Variants in UNC13C observed in about 807,000 individuals in gnomAD.
UNC13C encodes the protein unc-13 homolog C.
Under a neutral mutation model 245.4 loss-of-function variants are expected in UNC13C, and 174 were observed. The ratio of observed to expected loss-of-function variants is 0.71; its 90% CI spans 0.63 to 0.80. UNC13C has a LOEUF of 0.80. UNC13C is among the 30% of genes least tolerant of loss of function. The probability of loss-of-function intolerance (pLI) is 0.00; values close to 1 mark genes in which losing one functional copy is unlikely to be tolerated. For missense variants in UNC13C, 2,829 were observed against 2,602.9 expected, an observed-to-expected ratio of 1.09 and a Z score of -1.89; for synonymous variants, 992 against 895.1, an observed-to-expected ratio of 1.11 and a Z score of -1.93.
At chr15:54,339,087 T>C (rs55822331) in intron 17 of UNC13C, among the ~76,000 whole-genome samples, 42,043 of 151,956 alleles carry the variant, frequency 0.28, 6,135 homozygotes, top group Admixed American at 0.36. Flanking sequence ...AGGCTGGTCT[T>C]GAACTCCTGA....
chr15:54,406,362 C>T (rs1027376816), intron 18 of UNC13C, among the ~76,000 whole-genome samples: 8 of 152,114 alleles, frequency 5.3e-5, no homozygotes, highest in African/African-American at 1.9e-4. Flanking sequence ...ACATAAGGAT[C>T]TTATTTCCTG....
rs145714497 is a variant in UNC13C, at chr15:54,230,975, G to A, written c.3072-4055G>A. 3.3e-3 allele frequency among the ~76,000 whole-genome samples: 502 copies of A among 152,120 alleles called. 2 individuals are homozygous for A. The highest frequency in any genetic ancestry group is 0.012 in the African/African-American group (478 of 41,552). On this transcript the variant is annotated intron_variant, in intron 4 of 32. Coordinates refer to ENST00000260323, the MANE Select transcript of UNC13C (RefSeq NM_001080534.3). ...AATAATATCCATTTTGTCATTTTAT[G>A]CAGCCATTGACTTTCCAACTACTTC...
intron 19 of UNC13C, among the ~76,000 whole-genome samples, chr15:54,484,738 G>T (rs1364539951): frequency 6.6e-6 from 1 of 152,038 alleles, no homozygotes; most frequent in East Asian, 1.9e-4. Context: ...CTACCAAAAA[G>T]AGAAATTCCT....
At chr15:54,043,920 C>T (rs904057649) in intron 2 of UNC13C, among the ~76,000 whole-genome samples, 1 of 152,138 alleles carries the variant, frequency 6.6e-6, no homozygotes, top group Non-Finnish European at 1.5e-5. Context: ...ACAACTTTAT[C>T]AAAATAAATT....
At chr15:54,186,325 A>G (rs1265345726) in intron 4 of UNC13C, among the ~76,000 whole-genome samples, 1 of 152,162 alleles carries the variant, frequency 6.6e-6, no homozygotes, top group East Asian at 1.9e-4. Flanking sequence ...GAGTGGTGAG[A>G]GAGGGCATCC....
the UNC13C span, among the ~76,000 whole-genome samples, chr15:53,954,185 A>C: frequency 6.6e-6 from 1 of 152,364 alleles, no homozygotes; most frequent in Admixed American, 6.5e-5. Flanking sequence ...AATCTGTTGG[A>C]AATGGTTATC....
intron 4 of UNC13C, among the ~76,000 whole-genome samples, chr15:54,166,020 G>C (rs1204781733): frequency 6.6e-6 from 1 of 151,940 alleles, no homozygotes; most frequent in Non-Finnish European, 1.5e-5. Context: ...TTTATCTTCT[G>C]TGATAAATTA....
chr15:53,974,284 A>G (rs1212783215), upstream of UNC13C, among the ~76,000 whole-genome samples: 1 of 152,194 alleles, frequency 6.6e-6, no homozygotes, highest in African/African-American at 2.4e-5. Flanking sequence ...AACTAAGGGC[A>G]CCATTTGGAC....
chr15:53,880,027 A>T, the UNC13C span, among the ~76,000 whole-genome samples: 1 of 152,074 alleles, frequency 6.6e-6, no homozygotes, highest in Non-Finnish European at 1.5e-5. Context: ...CTATTTATCA[A>T]GGATGACTGG....
chr15:54,558,039 G>A (rs1047143389), intron 29 of UNC13C, among the ~76,000 whole-genome samples: 3 of 151,972 alleles, frequency 2.0e-5, no homozygotes, highest in Non-Finnish European at 2.9e-5. Context: ...ACTCACAGGT[G>A]GGAATTGAAT....
At chr15:54,483,953 C>A (rs1893267313) in intron 19 of UNC13C, among the ~76,000 whole-genome samples, 1 of 123,874 alleles carries the variant, frequency 8.1e-6, no homozygotes, top group Non-Finnish European at 1.7e-5. Context: ...AGTACATACA[C>A]ACACACACAT....
Position 54,536,662 on chromosome 15 carries a change from C to T in UNC13C, c.5696+3596C>T, listed in dbSNP as rs374170806. On this transcript the variant is annotated intron_variant, in intron 26 of 32. Coordinates refer to ENST00000260323, the MANE Select transcript of UNC13C (RefSeq NM_001080534.3). Reference sequence around the variant, plus strand: ...TCATGTAGGATTTATTCCTAGGATGCAAGGTGGTTTAACAGATGCAAATCA... The same window carrying T: ...TCATGTAGGATTTATTCCTAGGATGTAAGGTGGTTTAACAGATGCAAATCA... Among the ~76,000 whole-genome samples the T allele has an allele frequency of 4.6e-5, 7 of 152,100 alleles. No homozygotes were observed. The South Asian group carries it at 6.2e-4, about 14-fold the overall frequency.
chr15:54,483,658 G>A (rs1227751360), intron 19 of UNC13C, among the ~76,000 whole-genome samples: 1 of 152,082 alleles, frequency 6.6e-6, no homozygotes, highest in East Asian at 1.9e-4. Flanking sequence ...ACCATGCCCA[G>A]CTAATTTTTA....
chr15:54,158,566 G>A (rs1400352023), intron 4 of UNC13C, among the ~76,000 whole-genome samples: 13 of 152,176 alleles, frequency 8.5e-5, no homozygotes, highest in Non-Finnish European at 1.3e-4. Flanking sequence ...TGATCCACAC[G>A]CCTCAGCCTC....
At chr15:54,179,042 G>A (rs1002762762) in intron 4 of UNC13C, among the ~76,000 whole-genome samples, 1 of 152,064 alleles carries the variant, frequency 6.6e-6, no homozygotes, top group African/African-American at 2.4e-5. Context: ...TTCCGAAGAG[G>A]AAGCTTGGAA....
At chr15:54,016,922 A>G (rs921888811) in intron 2 of UNC13C, among the ~76,000 whole-genome samples, 1 of 152,222 alleles carries the variant, frequency 6.6e-6, no homozygotes. Context: ...GTTACTTGCT[A>G]TTATCAAATA....
At chr15:53,936,620 G>A in the UNC13C span, among the ~76,000 whole-genome samples, 136 of 152,322 alleles carry the variant, frequency 8.9e-4, no homozygotes, top group African/African-American at 3.2e-3. Context: ...GGAGCATTCA[G>A]GCTGGCATCA....
chr15:54,053,825 ACT>A (rs1198571457), intron 2 of UNC13C, among the ~76,000 whole-genome samples: 1 of 151,642 alleles, frequency 6.6e-6, no homozygotes, highest in East Asian at 1.9e-4. Context: ...ACCACCGTCT[ACT>A]CTCTATCTCC....
At chr15:54,141,999 T>G in intron 2 of UNC13C, among the ~76,000 whole-genome samples, 1 of 152,126 alleles carries the variant, frequency 6.6e-6, no homozygotes, top group Non-Finnish European at 1.5e-5. Flanking sequence ...AAACAAGGGA[T>G]TTGAACTAAG....
Sources: gnomAD v4.1 joint callset for allele counts (sites outside exome capture counted in the v4.1 genomes callset) on GRCh38, gnomAD v4.1.1 for gene constraint, MANE v1.5 for transcripts, NCBI Gene and HGNC (gene_info 2026-07-23, HGNC 2026-07-21) for gene names.